TACC1: variants seen among roughly 807,000 people sequenced by gnomAD.
The protein encoded by TACC1 is transforming acidic coiled-coil-containing protein 1.
A neutral mutation model predicts 84.4 loss-of-function variants in TACC1; 48 were observed. The ratio of observed to expected loss-of-function variants is 0.57; its 90% CI spans 0.45 to 0.72. TACC1 has a LOEUF of 0.72. Ranked by LOEUF, TACC1 falls within the 30% of genes least tolerant of loss-of-function variation. The pLI is 0.00. For missense variants in TACC1, 920 were observed against 973.0 expected (o/e 0.95, Z 0.72); for synonymous variants, 372 against 376.3 (o/e 0.99, Z 0.13).
intron 3 of TACC1, among the ~76,000 whole-genome samples, chr8:38,747,436 A>G (rs1252633660): frequency 6.6e-6 from 1 of 152,254 alleles, no homozygotes; most frequent in Non-Finnish European, 1.5e-5. Flanking sequence ...CATAATTGCC[A>G]AAAGCTGGAA....
chr8:38,730,452 T>C (rs1471224888), intron 1 of TACC1, among the ~76,000 whole-genome samples: 1 of 152,262 alleles, frequency 6.6e-6, no homozygotes, highest in Non-Finnish European at 1.5e-5. Flanking sequence ...TTATTGATCT[T>C]CCTTTATGAT....
intron 1 of TACC1, chr8:38,788,026 C>A: frequency 2.3e-6 from 1 of 442,800 alleles, no homozygotes. Context: ...TAAGCTTCGA[C>A]CCCCAGCCCC....
At position 38,843,408 on chromosome 8, in the gene TACC1, A is replaced by C. The variant is rs748219482; in HGVS notation, c.2228+13A>C. ...AGAAACTGGACAAGTAAGAGCTTGTAAATGTTGAATTTCACTCTTCATGAT... is the reference window on the plus strand; with the variant it reads ...AGAAACTGGACAAGTAAGAGCTTGTCAATGTTGAATTTCACTCTTCATGAT... On this transcript the variant is annotated intron_variant, in intron 11 of 12. Coordinates refer to ENST00000317827, the MANE Select transcript of TACC1 (RefSeq NM_006283.3). The C allele has an allele frequency of 6.4e-7, 1 of 1,574,434 alleles. No individual in the cohort carries two copies. The highest frequency in any genetic ancestry group is 1.2e-5 in the South Asian group (1 of 85,734).
upstream of TACC1, among the ~76,000 whole-genome samples, chr8:38,784,169 A>G (rs949603141): frequency 6.6e-6 from 1 of 152,208 alleles, no homozygotes; most frequent in African/African-American, 2.4e-5. Flanking sequence ...GACTGAGAGG[A>G]GTGGTCCAGC....
At chr8:38,842,841 A>G (rs1831518931) in intron 10 of TACC1, among the ~76,000 whole-genome samples, 1 of 152,270 alleles carries the variant, frequency 6.6e-6, no homozygotes, top group African/African-American at 2.4e-5. Context: ...GAAAAATTCA[A>G]GCTGCATATT....
At chr8:38,743,293 T>G (rs1467007884) in intron 2 of TACC1, among the ~76,000 whole-genome samples, 1 of 37,258 alleles carries the variant, frequency 2.7e-5, no homozygotes, top group Non-Finnish European at 6.3e-5. Context: ...ATATATTTGT[T>G]GAATGAATGA....
At chr8:38,781,384 CTTTT>C (rs34962713) in intron 3 of TACC1, among the ~76,000 whole-genome samples, 2 of 142,066 alleles carry the variant, frequency 1.4e-5, no homozygotes, top group African/African-American at 2.6e-5. Context: ...AAATATTCTT[CTTTT>C]TTTTTTTTTT....
At chr8:38,766,857 CAG>C (rs1176078254) in intron 3 of TACC1, among the ~76,000 whole-genome samples, 1 of 152,186 alleles carries the variant, frequency 6.6e-6, no homozygotes, top group African/African-American at 2.4e-5. Flanking sequence ...CAGTCAATTC[CAG>C]AGTGTTTCTG....
At position 38,849,003 on chromosome 8, in the gene TACC1, T is replaced by A. The variant is rs180881470; in HGVS notation, c.*980T>A. ...AGACAGAGTTTCGATCTATTTTAAG[T>A]ATGTGAAGAAAATCTACTTGTAAAA... On this transcript the variant is annotated 3_prime_UTR_variant, in exon 13 of 13. Transcript: ENST00000317827. 19 of 151,904 alleles carry A rather than the reference T, an allele frequency of 1.3e-4. No individual in the cohort carries two copies. Among genetic ancestry groups the A allele is most frequent in the African/African-American group, 4.6e-4 (19 of 41,372 alleles). 9.4% of individuals were successfully genotyped at this position (151,904 alleles called of 1,614,324 possible). A position where few individuals can be genotyped will look rare whatever the true frequency, so the allele number is the denominator to read the frequency against.
intron 2 of TACC1, among the ~76,000 whole-genome samples, chr8:38,803,032 T>C (rs1480651898): frequency 5.3e-5 from 8 of 152,248 alleles, no homozygotes; most frequent in Non-Finnish European, 2.9e-5. Flanking sequence ...AAATATTTTA[T>C]TTTTTGATAC....
At chr8:38,846,318 T>C (rs921348694) in intron 11 of TACC1, 3 of 147,496 alleles carry the variant, frequency 2.0e-5, no homozygotes, top group African/African-American at 7.5e-5. Context: ...AAAGAATGCC[T>C]TTCACATCTC....
In TACC1 at chr8:38,787,244, G is replaced by C; in HGVS notation, c.-339G>C. 2 of 1,018,234 alleles carry C rather than the reference G, an allele frequency of 2.0e-6. No homozygotes were observed. The allele number at this position is 1,018,234 out of a possible 1,614,324, so 63.1% of individuals were successfully genotyped here. On this transcript the variant is annotated 5_prime_UTR_variant, in exon 1 of 13. Coordinates refer to ENST00000317827, the MANE Select transcript of TACC1 (RefSeq NM_006283.3). ...CGCCGGCCGGGAGGCGGGAGTCCGC[G>C]AGCCGGGAGCGGGAGCAGCAGAGGT...
At chr8:38,793,700 G>A (rs1819304431) in intron 2 of TACC1, among the ~76,000 whole-genome samples, 1 of 152,028 alleles carries the variant, frequency 6.6e-6, no homozygotes, top group Non-Finnish European at 1.5e-5. Context: ...TCCCACCTCA[G>A]CCTCCCAAAA....
At chr8:38,746,460 C>T (rs1808109228) in intron 3 of TACC1, among the ~76,000 whole-genome samples, 1 of 152,218 alleles carries the variant, frequency 6.6e-6, no homozygotes, top group East Asian at 1.9e-4. Flanking sequence ...GTTATTATTT[C>T]TTTAAATATT....
chr8:38,814,819 A>G (rs909645492), intron 2 of TACC1, among the ~76,000 whole-genome samples: 2 of 152,248 alleles, frequency 1.3e-5, no homozygotes, highest in Non-Finnish European at 2.9e-5. Flanking sequence ...AACCCACAGC[A>G]AATGAAAGGA....
Position 38,842,399 on chromosome 8 carries a change from C to T in TACC1, c.2073C>T (p.Leu691=), listed in dbSNP as rs752131779. The change falls in exon 10 of 13, where the codon CTC becomes CTT. Residue 691 remains leucine (L), a synonymous_variant. Transcript: ENST00000317827. ...CTGTGGAAAGGTCCCTTTCTGATCTCTTCAGGAGATATGAGAACCTGAAAG... is the reference window on the plus strand; with the variant it reads ...CTGTGGAAAGGTCCCTTTCTGATCTTTTCAGGAGATATGAGAACCTGAAAG... The part of the protein sequence containing the change: ...LNSVERSLSD[L]FRRYENLKGV... 2.5e-6 allele frequency: 4 copies of T among 1,614,088 alleles called. No homozygotes were observed. The South Asian group carries it at 3.3e-5, about 13-fold the overall frequency.
chr8:38,820,628 T>C lies in TACC1; in HGVS notation c.1384T>C (p.Leu462=), dbSNP rs764653268. ...ATCACCCAAGAAGGCAAAGTCGCGT[T>C]TAATAACGTGAGTGACAGTGGGCGC... ...LESPKKAKSR[L]ITSGCKVKKH... The change falls in exon 3 of 13, where the codon TTA becomes CTA. Residue 462 remains leucine (L), a synonymous_variant. Coordinates refer to ENST00000317827, the MANE Select transcript of TACC1 (RefSeq NM_006283.3). 6.2e-7 allele frequency: 1 copy of C among 1,604,250 alleles called. No homozygotes were observed. Among genetic ancestry groups the C allele is most frequent in the East Asian group, 2.2e-5 (1 of 44,868 alleles).
At chr8:38,745,382 T>C (rs1449403587) in exon 3 of TACC1, 1 of 616,498 alleles carries the variant, frequency 1.6e-6, no homozygotes, top group Middle Eastern at 2.5e-4. Flanking sequence ...ATATCCAAGA[T>C]TGAAACCCAA....
intron 3 of TACC1, among the ~76,000 whole-genome samples, chr8:38,824,484 G>A (rs1483864660): frequency 6.6e-6 from 1 of 152,232 alleles, no homozygotes; most frequent in Non-Finnish European, 1.5e-5. Flanking sequence ...AGGGAAAGAA[G>A]ATCATGAACT....
Sources: gnomAD v4.1 joint callset for allele counts (sites outside exome capture counted in the v4.1 genomes callset) on GRCh38, gnomAD v4.1.1 for gene constraint, MANE v1.5 for transcripts, NCBI Gene and HGNC (gene_info 2026-07-23, HGNC 2026-07-21) for gene names.